Variants in ZBTB16 observed in about 807,000 individuals in gnomAD.
The protein encoded by ZBTB16 is zinc finger and BTB domain-containing protein 16.
Under a neutral mutation model 56.8 loss-of-function variants are expected in ZBTB16, and 8 were observed. The ratio of observed to expected loss-of-function variants is 0.14; its 90% CI spans 0.08 to 0.25. ZBTB16 has a LOEUF of 0.25. Among genes scored for constraint, ZBTB16 ranks in the 10% least tolerant of loss-of-function variants. The pLI is 1.00. For missense variants in ZBTB16, 625 were observed against 903.0 expected (o/e 0.69, Z 3.95); for synonymous variants, 363 against 368.5 (o/e 0.98, Z 0.17).
intron 3 of ZBTB16, among the ~76,000 whole-genome samples, chr11:114,169,867 G>A (rs922669339): frequency 7.9e-5 from 12 of 152,152 alleles, no homozygotes; most frequent in African/African-American, 2.9e-4. Context: ...GGAGTGCTGT[G>A]GTGGGAGTGG....
intron 2 of ZBTB16, among the ~76,000 whole-genome samples, chr11:114,142,726 G>A (rs1024391517): frequency 5.9e-5 from 9 of 151,872 alleles, no homozygotes; most frequent in African/African-American, 1.7e-4. Flanking sequence ...GGGAAGGGAG[G>A]ATGTAGGGAG....
intron 2 of ZBTB16, among the ~76,000 whole-genome samples, chr11:114,152,202 C>T (rs546674103): frequency 4.2e-4 from 64 of 152,276 alleles, no homozygotes; most frequent in African/African-American, 1.0e-3. Flanking sequence ...CCCTTTTGAA[C>T]GAGGCCTCAT....
Position 114,064,497 on chromosome 11 carries a change from C to A in ZBTB16, c.1197C>A (p.Ser399Arg), listed in dbSNP as rs1461690055. The part of the protein sequence containing the change: ...GELAVGMKSE[S>R]RTIGEQCSVC... ...TGGCTGTGGGCATGAAGTCAGAGAGCCGGACCATCGGAGAGCAGTGCAGCG... is the reference window on the plus strand; with the variant it reads ...TGGCTGTGGGCATGAAGTCAGAGAGACGGACCATCGGAGAGCAGTGCAGCG... The change falls in exon 2 of 7, where the codon AGC (serine) becomes AGA (arginine). Residue 399 changes from serine (S) to arginine (R), a missense_variant. Physicochemically the swap from Ser to Arg is moderately radical, Grantham distance 110 (BLOSUM62 -1). Transcript: ENST00000335953. This position sits in a 1 kb window ranked among gnomAD's most constrained non-coding sequence, Gnocchi z 4.2. 18 of 1,614,096 alleles carry A rather than the reference C, an allele frequency of 1.1e-5. No individual in the cohort carries two copies. Among genetic ancestry groups the A allele is most frequent in the Non-Finnish European group, 1.4e-5 (17 of 1,180,042 alleles).
chr11:114,247,280 G>C lies in ZBTB16; in HGVS notation c.1707G>C (p.Thr569=). 1 of 1,614,224 alleles carries C rather than the reference G, an allele frequency of 6.2e-7. No homozygotes were observed. Among genetic ancestry groups the C allele is most frequent in the African/African-American group, 1.3e-5 (1 of 75,068 alleles). Residue 569 remains threonine (T), a synonymous_variant, in exon 6 of 7, where the codon ACG becomes ACC. Transcript: ENST00000335953. ...TCAAGAGCCACAAACGCATCCACAC[G>C]GGTGAGAAACCCTACGAGTGCAATG... is the stretch of plus-strand genomic sequence containing the variant. The part of the protein sequence containing the change: ...STLKSHKRIH[T]GEKPYECNGC...
Position 114,064,286 on chromosome 11 carries a change from A to G in ZBTB16, c.986A>G (p.Lys329Arg), listed in dbSNP as rs764450497. The G allele has an allele frequency of 6.2e-7, 1 of 1,614,116 alleles. No individual in the cohort carries two copies. The highest frequency in any genetic ancestry group is 1.1e-5 in the South Asian group (1 of 91,078). ...GAGCACCCAGCACCCCCGCCTGAGA[A>G]GCATCTGGGCATCTACTCCGTGTTG... Reference protein sequence around the residue: ...RPEHPAPPPEKHLGIYSVLPN... With the variant: ...RPEHPAPPPERHLGIYSVLPN... Residue 329 changes from lysine (K) to arginine (R), a missense_variant, in exon 2 of 7, where the codon AAG (lysine) becomes AGG (arginine). Lys to Arg is a conservative substitution (Grantham distance 26). Around this residue, in one of 6 missense-constraint regions of ZBTB16, gnomAD observed 384 missense variants for 393.5 expected, o/e 0.98. Coordinates refer to ENST00000335953, the MANE Select transcript of ZBTB16 (RefSeq NM_006006.6). This position sits in a 1 kb window ranked among gnomAD's most constrained non-coding sequence, Gnocchi z 4.2.
At chr11:114,233,793 T>A (rs1031785461) in intron 4 of ZBTB16, among the ~76,000 whole-genome samples, 1 of 152,188 alleles carries the variant, frequency 6.6e-6, no homozygotes, top group Non-Finnish European at 1.5e-5. Flanking sequence ...AATGAGCTAG[T>A]GAGCTGACAA....
chr11:114,114,513 A>T (rs1941112669), intron 2 of ZBTB16, among the ~76,000 whole-genome samples: 1 of 152,194 alleles, frequency 6.6e-6, no homozygotes, highest in South Asian at 2.1e-4. Context: ...AGTGTTTGTA[A>T]AAAGAGTTTG....
rs762403981 is a variant in ZBTB16, at chr11:114,064,133, A to C, written c.833A>C (p.Glu278Ala). 1 of 1,613,930 alleles carries C rather than the reference A, an allele frequency of 6.2e-7. No individual in the cohort carries two copies. Among genetic ancestry groups the C allele is most frequent in the Non-Finnish European group, 8.5e-7 (1 of 1,180,028 alleles). The part of the protein sequence containing the change: ...MGDKVEERGK[E>A]GPGTPTRSSV... Reference sequence around the variant, plus strand: ...GACAAGGTTGAGGAAAGAGGCAAAGAGGGGCCTGGGACCCCGACTCGAAGC... The same window carrying C: ...GACAAGGTTGAGGAAAGAGGCAAAGCGGGGCCTGGGACCCCGACTCGAAGC... Residue 278 changes from glutamate (E) to alanine (A), a missense_variant, in exon 2 of 7, where the codon GAG becomes GCG. By Grantham distance (107) the Glu-to-Ala change is moderately radical. Transcript: ENST00000335953. The surrounding 1 kb of genome is among the most constrained non-coding windows in gnomAD (Gnocchi z 4.2).
chr11:114,107,552 C>T (rs755490865), intron 2 of ZBTB16, among the ~76,000 whole-genome samples: 10 of 152,178 alleles, frequency 6.6e-5, no homozygotes, highest in Non-Finnish European at 1.3e-4. Flanking sequence ...TCTGAGCCTA[C>T]CAAAGTGATT....
chr11:114,152,764 G>T (rs913988794), intron 2 of ZBTB16, among the ~76,000 whole-genome samples: 2 of 152,178 alleles, frequency 1.3e-5, no homozygotes, highest in Non-Finnish European at 2.9e-5. Flanking sequence ...CACCAACTAA[G>T]GCAGTGTGCA....
intron 2 of ZBTB16, among the ~76,000 whole-genome samples, chr11:114,079,062 A>T (rs1279188961): frequency 1.3e-5 from 2 of 150,630 alleles, no homozygotes; most frequent in African/African-American, 4.9e-5. Flanking sequence ...GTGAGCCCAG[A>T]TCCTGCCGTT....
At chr11:114,083,533 C>G (rs546115264) in intron 2 of ZBTB16, among the ~76,000 whole-genome samples, 1 of 152,292 alleles carries the variant, frequency 6.6e-6, no homozygotes, top group South Asian at 2.1e-4. Context: ...CTCAGCCACC[C>G]ACAGCCCTTT....
At chr11:114,096,521 T>C (rs1364275235) in intron 2 of ZBTB16, among the ~76,000 whole-genome samples, 1 of 152,196 alleles carries the variant, frequency 6.6e-6, no homozygotes, top group Non-Finnish European at 1.5e-5. Flanking sequence ...CCAGCAGATT[T>C]AAATAAGGTT....
chr11:114,125,989 T>C (rs1348641309), intron 2 of ZBTB16, among the ~76,000 whole-genome samples: 1 of 152,178 alleles, frequency 6.6e-6, no homozygotes, highest in East Asian at 1.9e-4. Flanking sequence ...TGGAGTGATG[T>C]GTCCTTATTT....
chr11:114,108,720 A>G (rs7932548), intron 2 of ZBTB16, among the ~76,000 whole-genome samples: 11,462 of 152,242 alleles, frequency 0.075, 1,288 homozygotes, highest in African/African-American at 0.25. Flanking sequence ...TCCCTGCAAC[A>G]GGCCTCTGGC....
At chr11:114,193,493 A>G (rs1461863693) in intron 4 of ZBTB16, among the ~76,000 whole-genome samples, 2 of 152,140 alleles carry the variant, frequency 1.3e-5, no homozygotes, top group Non-Finnish European at 2.9e-5. Flanking sequence ...CTGTGTGACC[A>G]TGGTGACTCT....
chr11:114,229,464 C>T (rs1944394265), intron 4 of ZBTB16, among the ~76,000 whole-genome samples: 1 of 152,126 alleles, frequency 6.6e-6, no homozygotes, highest in African/African-American at 2.4e-5. Context: ...TCTTTTATTT[C>T]TCTGTCATCC....
intron 2 of ZBTB16, among the ~76,000 whole-genome samples, chr11:114,109,450 T>C (rs1940923972): frequency 6.6e-6 from 1 of 152,184 alleles, no homozygotes; most frequent in Admixed American, 6.5e-5. Flanking sequence ...TGCTCCTTAC[T>C]GTTGGAGAGA....
chr11:114,242,250 G>A lies in ZBTB16; in HGVS notation c.1537G>A (p.Ala513Thr), dbSNP rs779436331. The A allele has an allele frequency of 9.3e-6, 15 of 1,613,924 alleles. No individual in the cohort carries two copies. Among genetic ancestry groups the A allele is most frequent in the Admixed American group, 1.7e-5 (1 of 60,014 alleles). ...SALQQHMEVH[A>T]GVRSYICSEC... ...ACTGCAGCAGCACATGGAGGTCCAC[G>A]CGGGCGTGCGCAGCTACATCTGCAG... Residue 513 changes from alanine (A) to threonine (T), a missense_variant, in exon 5 of 7, where the codon GCG (alanine) becomes ACG (threonine). By Grantham distance (58) the Ala-to-Thr change is moderately conservative (BLOSUM62 0). This residue lies in a region of ZBTB16 where 140 missense variants were observed against 214.8 expected (regional missense o/e 0.65). Coordinates refer to ENST00000335953, the MANE Select transcript of ZBTB16 (RefSeq NM_006006.6).
Sources: allele counts gnomAD v4.1 joint callset (sites outside exome capture counted in the v4.1 genomes callset), GRCh38; gene constraint gnomAD v4.1.1; regional missense constraint gnomAD v4.1.1; non-coding constraint Gnocchi (gnomAD v3.1); transcripts MANE v1.5; gene names NCBI Gene and HGNC (gene_info 2026-07-23, HGNC 2026-07-21).